The following MYO16 variants were observed in gnomAD, a reference collection of about 807,000 sequenced individuals.
MYO16 encodes myosin XVI.
A neutral mutation model predicts 205.3 loss-of-function variants in MYO16; 94 were observed. That is an observed-to-expected ratio of 0.46 (90% CI 0.39 to 0.54). The LOEUF (loss-of-function observed/expected upper bound fraction) is 0.54. Among genes scored for constraint, MYO16 ranks in the 20% least tolerant of loss-of-function variants. The pLI is 0.00. For missense variants in MYO16, 2,315 were observed against 2,387.5 expected (o/e 0.97, Z 0.63); for synonymous variants, 988 against 954.0 (o/e 1.04, Z -0.66).
chr13:108,911,138 G>A lies in MYO16; in HGVS notation c.1925+988G>A, dbSNP rs530020510. On this transcript the variant is annotated intron_variant, in intron 16 of 34. Coordinates refer to ENST00000457511, the MANE Select transcript of MYO16 (RefSeq NM_001198950.3). ...GTGGTTAAGGCCAAGTGCTTATTGA[G>A]AGAACAAATTGGCGGGGGGCAACTT... 9.2e-5 allele frequency among the ~76,000 whole-genome samples: 14 copies of A among 152,008 alleles called. No individual in the cohort carries two copies. In the South Asian group the frequency reaches 2.3e-3, roughly 25 times the overall value.
At chr13:109,179,724 T>G (rs1879375781) in intron 34 of MYO16, 91 bp downstream of exon 34, 1 of 1,047,480 alleles carries the variant, frequency 9.5e-7, no homozygotes, top group Admixed American at 1.8e-5. Flanking sequence ...AGATGCTCTG[T>G]GTGGACTGGA....
chr13:109,136,454 T>A (rs1876782508), intron 31 of MYO16, among the ~76,000 whole-genome samples: 1 of 152,148 alleles, frequency 6.6e-6, no homozygotes, highest in Admixed American at 6.5e-5. Context: ...TGAGGACCAT[T>A]TTATTTTTAA....
At chr13:108,609,339 G>T (rs976615635) in intron 1 of MYO16, among the ~76,000 whole-genome samples, 5 of 152,180 alleles carry the variant, frequency 3.3e-5, no homozygotes, top group African/African-American at 1.2e-4. Flanking sequence ...AAGACAGTGG[G>T]AGTGCTCTGG....
At chr13:108,787,365 A>G (rs1169144078) in intron 5 of MYO16, among the ~76,000 whole-genome samples, 1 of 152,162 alleles carries the variant, frequency 6.6e-6, no homozygotes, top group Non-Finnish European at 1.5e-5. Flanking sequence ...AAAGTACTTG[A>G]CCATGTTTTG....
chr13:108,688,254 C>G (rs1882758758), intron 2 of MYO16, among the ~76,000 whole-genome samples: 1 of 151,996 alleles, frequency 6.6e-6, no homozygotes, highest in African/African-American at 2.4e-5. Flanking sequence ...TAGCTCCATG[C>G]AAGGAAACAG....
intron 7 of MYO16, among the ~76,000 whole-genome samples, chr13:108,818,035 T>C (rs2139009520): frequency 6.6e-6 from 1 of 152,272 alleles, no homozygotes; most frequent in African/African-American, 2.4e-5. Flanking sequence ...TAAATGTCTA[T>C]ATTGTAAAAG....
chr13:108,844,641 T>G, intron 10 of MYO16, 148 bp downstream of exon 10: 1 of 820,328 alleles, frequency 1.2e-6, no homozygotes. Flanking sequence ...GCAGTTTTCA[T>G]AAACAATTAG....
intron 12 of MYO16, among the ~76,000 whole-genome samples, chr13:108,869,591 C>T (rs1878924047): frequency 6.7e-6 from 1 of 150,246 alleles, no homozygotes; most frequent in South Asian, 2.1e-4. Flanking sequence ...GTTAGCCGGG[C>T]GTCGTGGCGG....
chr13:108,559,806 G>T, the MYO16 span, among the ~76,000 whole-genome samples: 2 of 152,052 alleles, frequency 1.3e-5, no homozygotes, highest in Non-Finnish European at 2.9e-5. Flanking sequence ...AAAAACTCAT[G>T]CAAGTGCACA....
chr13:108,628,964 A>G (rs1344800515), upstream of MYO16, among the ~76,000 whole-genome samples: 1 of 151,068 alleles, frequency 6.6e-6, no homozygotes. Flanking sequence ...TGGCTATTTC[A>G]TTATGAGTAT....
At chr13:109,169,543 G>A (rs944450387) in intron 33 of MYO16, among the ~76,000 whole-genome samples, 3 of 151,912 alleles carry the variant, frequency 2.0e-5, no homozygotes, top group Admixed American at 2.0e-4. Context: ...TACAGATCTG[G>A]CTGAAATTAA....
chr13:108,538,793 C>CA, the MYO16 span, among the ~76,000 whole-genome samples: 6 of 152,086 alleles, frequency 3.9e-5, no homozygotes, highest in Admixed American at 3.9e-4. Flanking sequence ...GTGGAATGAA[C>CA]AAAAAATTCT....
At chr13:109,052,219 G>A (rs1594504431) in intron 24 of MYO16, 81 bp from the exon 25 acceptor site, 47 of 1,244,286 alleles carry the variant, frequency 3.8e-5, no homozygotes, top group African/African-American at 1.5e-5. Context: ...TCAGTGGCTA[G>A]AGCTCTTGTA....
intron 16 of MYO16, among the ~76,000 whole-genome samples, chr13:108,915,564 A>G (rs1881462585): frequency 6.6e-6 from 1 of 152,136 alleles, no homozygotes; most frequent in Non-Finnish European, 1.5e-5. Flanking sequence ...TACAAACGTT[A>G]CATTTGGGGA....
intron 16 of MYO16, among the ~76,000 whole-genome samples, chr13:108,950,101 A>C (rs1883087628): frequency 6.6e-6 from 1 of 152,230 alleles, no homozygotes; most frequent in Non-Finnish European, 1.5e-5. Flanking sequence ...AGGGAACAAA[A>C]GAAGGAAATA....
At chr13:108,576,005 A>G in the MYO16 span, among the ~76,000 whole-genome samples, 3 of 152,136 alleles carry the variant, frequency 2.0e-5, no homozygotes, top group African/African-American at 7.2e-5. Context: ...GGATAGAGAA[A>G]GGCCAGGCCA....
At chr13:109,024,279 G>A (rs1886288008) in intron 23 of MYO16, among the ~76,000 whole-genome samples, 1 of 151,628 alleles carries the variant, frequency 6.6e-6, no homozygotes, top group South Asian at 2.1e-4. Flanking sequence ...AATTTACAAT[G>A]AGGTATGATG....
At chr13:108,865,839 C>T (rs190484686) in intron 11 of MYO16, among the ~76,000 whole-genome samples, 4 of 151,902 alleles carry the variant, frequency 2.6e-5, no homozygotes, top group Non-Finnish European at 4.4e-5. Context: ...TTGACTTTTT[C>T]GTAGGCATTT....
At chr13:109,136,783 C>T (rs1258556018) in intron 31 of MYO16, among the ~76,000 whole-genome samples, 3 of 152,210 alleles carry the variant, frequency 2.0e-5, no homozygotes, top group Admixed American at 2.0e-4. Context: ...CCCTTCAAAG[C>T]TCCTCCCATG....
Sources: gnomAD v4.1 joint callset for allele counts (sites outside exome capture counted in the v4.1 genomes callset) on GRCh38, gnomAD v4.1.1 for gene constraint, MANE v1.5 for transcripts, NCBI Gene and HGNC (gene_info 2026-07-23, HGNC 2026-07-21) for gene names.